PTPRG: variants seen among roughly 807,000 people sequenced by gnomAD.
PTPRG encodes protein tyrosine phosphatase receptor type G, also known as receptor-type tyrosine-protein phosphatase gamma.
In PTPRG, 102 loss-of-function variants were observed where a neutral mutation model predicts 165.3. That is an observed-to-expected ratio of 0.62 (90% CI 0.53 to 0.73). PTPRG has a LOEUF of 0.73. Among genes scored for constraint, PTPRG ranks in the 30% least tolerant of loss-of-function variants. The pLI, the probability that PTPRG is intolerant of heterozygous loss-of-function variation, is 0.00. For missense variants in PTPRG, 1,866 were observed against 1,861.4 expected (o/e 1.00, Z -0.05); for synonymous variants, 675 against 669.5 (o/e 1.01, Z -0.13).
At position 61,953,902 on chromosome 3, in the gene PTPRG, G is replaced by T. The variant is rs1409211738; in HGVS notation, c.191-35723G>T. ...ATCTGCTGCTCTCTTCAGATGCTTTGACCTGTTCCTATAGTGACTTTGTCA... is the reference window on the plus strand; with the variant it reads ...ATCTGCTGCTCTCTTCAGATGCTTTTACCTGTTCCTATAGTGACTTTGTCA... On this transcript the variant is annotated intron_variant, in intron 2 of 29. Coordinates refer to ENST00000474889, the MANE Select transcript of PTPRG (RefSeq NM_002841.4). 2.0e-5 allele frequency among the ~76,000 whole-genome samples: 3 copies of T among 152,296 alleles called. No homozygotes were observed. The East Asian group carries it at 5.8e-4, about 29-fold the overall frequency.
intron 5 of PTPRG, among the ~76,000 whole-genome samples, chr3:62,124,011 A>C (rs1184015077): frequency 6.6e-6 from 1 of 152,170 alleles, no homozygotes; most frequent in Non-Finnish European, 1.5e-5. Context: ...AACGAATATC[A>C]CAGTCCAAGT....
At chr3:61,911,064 A>C (rs1231824357) in intron 2 of PTPRG, among the ~76,000 whole-genome samples, 1 of 151,702 alleles carries the variant, frequency 6.6e-6, no homozygotes, top group African/African-American at 2.4e-5. Flanking sequence ...GATAACGTCT[A>C]CTCTTCCAGT....
chr3:61,823,603 G>A (rs1038047426), intron 2 of PTPRG, among the ~76,000 whole-genome samples: 1 of 151,798 alleles, frequency 6.6e-6, no homozygotes, highest in African/African-American at 2.4e-5. Flanking sequence ...AGATGTTAAT[G>A]TAACAAAAGT....
chr3:61,939,090 G>A (rs1310646199), intron 2 of PTPRG, among the ~76,000 whole-genome samples: 2 of 152,172 alleles, frequency 1.3e-5, no homozygotes, highest in African/African-American at 2.4e-5. Flanking sequence ...GTACAGGCGC[G>A]ATGTCCACAC....
chr3:61,833,950 T>C (rs2036385761), intron 2 of PTPRG, among the ~76,000 whole-genome samples: 1 of 152,210 alleles, frequency 6.6e-6, no homozygotes, highest in African/African-American at 2.4e-5. Context: ...AAGTTATGGG[T>C]CTTCCTTATT....
chr3:61,671,406 T>A (rs1199131748), intron 1 of PTPRG, among the ~76,000 whole-genome samples: 1 of 151,830 alleles, frequency 6.6e-6, no homozygotes, highest in Non-Finnish European at 1.5e-5. Context: ...CCTTAATCCA[T>A]TCAACCCTGA....
chr3:62,069,637 GTCTCTCTCTCTCTCTCTCTCTCTCTCTC>G (rs537162206), intron 4 of PTPRG, among the ~76,000 whole-genome samples: 21 of 141,062 alleles, frequency 1.5e-4, no homozygotes, highest in African/African-American at 5.5e-4. Context: ...TAGGATCGAT[GTCTCTCTCTCTCTCTCTCTCTCTCTCTC>G]TCTCTCTCTC....
intron 8 of PTPRG, among the ~76,000 whole-genome samples, chr3:62,178,890 T>G (rs1262043125): frequency 1.3e-5 from 2 of 152,228 alleles, no homozygotes; most frequent in African/African-American, 4.8e-5. Flanking sequence ...AACAGCAATC[T>G]GGAAATTAAT....
chr3:61,583,649 G>C (rs1270316739), intron 1 of PTPRG, among the ~76,000 whole-genome samples: 3 of 152,094 alleles, frequency 2.0e-5, no homozygotes, highest in African/African-American at 7.2e-5. Flanking sequence ...AAGGAGCTCT[G>C]TCCACACCTT....
At chr3:62,172,293 A>T (rs766250328) in intron 8 of PTPRG, among the ~76,000 whole-genome samples, 20 of 152,174 alleles carry the variant, frequency 1.3e-4, no homozygotes, top group Non-Finnish European at 2.9e-4. Context: ...TCATATGGTA[A>T]CTTTCTGTTT....
At chr3:61,832,828 T>C (rs1312527393) in intron 2 of PTPRG, among the ~76,000 whole-genome samples, 1 of 152,186 alleles carries the variant, frequency 6.6e-6, no homozygotes, top group Non-Finnish European at 1.5e-5. Flanking sequence ...CTGAACCCAA[T>C]ATGTAGCTTT....
At chr3:62,158,710 A>T (rs1704632029) in intron 7 of PTPRG, among the ~76,000 whole-genome samples, 1 of 152,202 alleles carries the variant, frequency 6.6e-6, no homozygotes, top group Non-Finnish European at 1.5e-5. Flanking sequence ...TAACCAAGTT[A>T]GGTCATGTAA....
intron 4 of PTPRG, among the ~76,000 whole-genome samples, chr3:62,018,314 C>T (rs987893618): frequency 6.6e-6 from 1 of 152,194 alleles, no homozygotes; most frequent in African/African-American, 2.4e-5. Context: ...AAACCTTCAG[C>T]TGACAGTCTG....
chr3:62,087,552 C>T (rs1048395259), intron 5 of PTPRG, among the ~76,000 whole-genome samples: 3 of 152,144 alleles, frequency 2.0e-5, no homozygotes, highest in Admixed American at 6.5e-5. Flanking sequence ...CACTGGGACC[C>T]CTCAAGGTAT....
intron 8 of PTPRG, among the ~76,000 whole-genome samples, chr3:62,181,593 A>C (rs1705652368): frequency 6.6e-6 from 1 of 152,196 alleles, no homozygotes; most frequent in Admixed American, 6.5e-5. Context: ...TTCCTTAAAA[A>C]GCGTGTAATT....
intron 1 of PTPRG, among the ~76,000 whole-genome samples, chr3:61,643,405 C>T (rs539053314): frequency 6.6e-6 from 1 of 152,098 alleles, no homozygotes; most frequent in Non-Finnish European, 1.5e-5. Context: ...GAGATTTGAA[C>T]CCTGATTGGA....
intron 2 of PTPRG, among the ~76,000 whole-genome samples, chr3:61,956,090 T>A (rs1342697030): frequency 6.7e-6 from 1 of 149,074 alleles, no homozygotes; most frequent in Non-Finnish European, 1.5e-5. Flanking sequence ...GGGAAAAAAA[T>A]TATATATATA....
intron 4 of PTPRG, among the ~76,000 whole-genome samples, chr3:62,012,431 C>G (rs1247594008): frequency 6.6e-6 from 1 of 152,020 alleles, no homozygotes; most frequent in Non-Finnish European, 1.5e-5. Context: ...TTGAGTGTTC[C>G]TCATCTGAAA....
intron 2 of PTPRG, among the ~76,000 whole-genome samples, chr3:61,823,229 C>T (rs573178084): frequency 5.3e-5 from 8 of 152,282 alleles, no homozygotes; most frequent in African/African-American, 1.4e-4. Flanking sequence ...CTTGTTCTGT[C>T]GCCCAGGCTA....
Sources: allele counts gnomAD v4.1 joint callset (sites outside exome capture counted in the v4.1 genomes callset), GRCh38; gene constraint gnomAD v4.1.1; transcripts MANE v1.5; gene names NCBI Gene and HGNC (gene_info 2026-07-23, HGNC 2026-07-21).